Variants in PPIL2 observed in about 807,000 individuals in gnomAD.
The protein encoded by PPIL2 is RING-type E3 ubiquitin-protein ligase PPIL2.
Under a neutral mutation model 75.2 loss-of-function variants are expected in PPIL2, and 50 were observed. That is an observed-to-expected ratio of 0.66 (90% confidence interval 0.53 to 0.84). PPIL2 has a LOEUF of 0.84. Ranked by LOEUF, PPIL2 falls within the 40% of genes least tolerant of loss-of-function variation. PPIL2 has a pLI of 0.00. For missense variants in PPIL2, 590 were observed against 685.0 expected (o/e 0.86, Z 1.55); for synonymous variants, 245 against 258.8 (o/e 0.95, Z 0.51).
At chr22:21,686,173 T>A (rs747290436) in intron 10 of PPIL2, among the ~76,000 whole-genome samples, 55 of 152,036 alleles carry the variant, frequency 3.6e-4, no homozygotes, top group Non-Finnish European at 6.3e-4. Flanking sequence ...ATAAAAAAAT[T>A]AAAATAAAAA....
Position 21,671,052 on chromosome 22 carries a change from G to C in PPIL2, c.184G>C (p.Asp62His). 6.2e-7 allele frequency: 1 copy of C among 1,609,972 alleles called. No individual in the cohort carries two copies. The highest frequency in any genetic ancestry group is 8.5e-7 in the Non-Finnish European group (1 of 1,176,166). The change falls in exon 4 of 20, where the codon GAC (aspartate) becomes CAC (histidine). Residue 62 changes from aspartate to histidine, a missense_variant. Physicochemically the swap from Asp to His is moderately conservative, Grantham distance 81. Transcript: ENST00000398831. ...CTGCACTCCCGATGGCATCGTCTTT[G>C]ACTTACTGTGAGTTTTTCCTTGAAT... is the stretch of plus-strand genomic sequence containing the variant. Reference protein sequence around the residue: ...PVCTPDGIVFDLLNIVPWLKK... With the variant: ...PVCTPDGIVFHLLNIVPWLKK...
chr22:21,675,223 C>T (rs2066789700), intron 6 of PPIL2, 108 bp downstream of exon 6: 2 of 1,096,066 alleles, frequency 1.8e-6, no homozygotes, highest in Non-Finnish European at 1.4e-6. Context: ...CCAAGCTAGA[C>T]ACCTGCTTTT....
chr22:21,674,649 T>C (rs1401000787), intron 5 of PPIL2, among the ~76,000 whole-genome samples: 2 of 152,080 alleles, frequency 1.3e-5, no homozygotes, highest in East Asian at 3.9e-4. Flanking sequence ...TGCAGTGAGC[T>C]GAGATGTTGC....
chr22:21,687,632 C>T lies in PPIL2; in HGVS notation c.898-11C>T. 7.3e-7 allele frequency: 1 copy of T among 1,373,644 alleles called. No homozygotes were observed. The highest frequency in any genetic ancestry group is 9.8e-7 in the Non-Finnish European group (1 of 1,024,026). The allele number at this position is 1,373,644 out of a possible 1,614,324, so 85.1% of individuals were successfully genotyped here. On this transcript the variant is annotated splice_polypyrimidine_tract_variant and intron_variant, in intron 12 of 19. Transcript: ENST00000398831. ...TCTCTGCTTCATACAAGTATTGGGG[C>T]TATGTTGCAGACACCAAAAACCTGC...
At chr22:21,672,016 A>G (rs1233223814) in intron 4 of PPIL2, among the ~76,000 whole-genome samples, 1 of 152,034 alleles carries the variant, frequency 6.6e-6, no homozygotes, top group Non-Finnish European at 1.5e-5. Context: ...GAAACACTGC[A>G]CTCCAGCCTG....
intron 15 of PPIL2, among the ~76,000 whole-genome samples, chr22:21,691,407 G>A (rs1413075993): frequency 1.3e-5 from 2 of 152,024 alleles, no homozygotes; most frequent in African/African-American, 4.8e-5. Flanking sequence ...GAGGCCAGGC[G>A]CGGTGGCTCA....
chr22:21,685,227 C>G (rs547221248), intron 10 of PPIL2, among the ~76,000 whole-genome samples: 20 of 152,312 alleles, frequency 1.3e-4, no homozygotes, highest in African/African-American at 4.1e-4. Context: ...TGCTGTGGTC[C>G]CAGCCTGAGC....
downstream of PPIL2, chr22:21,698,241 AG>A: frequency 6.9e-6 from 1 of 145,968 alleles, no homozygotes; most frequent in East Asian, 1.9e-4. Flanking sequence ...AAGTGATAAA[AG>A]TGTTGTTGGT....
At position 21,696,402 on chromosome 22, in the gene PPIL2, T is replaced by G. The variant is rs2067933077; in HGVS notation, c.*912T>G. 1 of 1,165,062 alleles carries G rather than the reference T, an allele frequency of 8.6e-7. No homozygotes were observed. Among genetic ancestry groups the G allele is most frequent in the Non-Finnish European group, 1.1e-6 (1 of 935,032 alleles). The allele number at this position is 1,165,062 out of a possible 1,614,324, so 72.2% of individuals were successfully genotyped here. Reference sequence around the variant, plus strand: ...TCCCCGCCCTCCTGCTGAAGTGGCCTTGCTGCTCTCAGGCCCGGCCACTGG... The same window carrying G: ...TCCCCGCCCTCCTGCTGAAGTGGCCGTGCTGCTCTCAGGCCCGGCCACTGG... On this transcript the variant is annotated 3_prime_UTR_variant, in exon 20 of 20. Transcript: ENST00000398831.
chr22:21,692,189 TCC>T (rs1256023415), intron 15 of PPIL2, among the ~76,000 whole-genome samples: 3 of 151,200 alleles, frequency 2.0e-5, no homozygotes, highest in Non-Finnish European at 4.4e-5. Context: ...GGAGTCTCGC[TCC>T]GTCCCCCAGG....
chr22:21,686,650 C>A, intron 11 of PPIL2, 92 bp downstream of exon 11: 1 of 1,321,812 alleles, frequency 7.6e-7, no homozygotes, highest in Non-Finnish European at 1.1e-6. Flanking sequence ...ATTGGTCTGT[C>A]AGGGGCTCCC....
chr22:21,694,489 C>A (rs1160850124), intron 16 of PPIL2, 104 bp from the exon 17 acceptor site: 2 of 1,317,998 alleles, frequency 1.5e-6, no homozygotes, highest in Non-Finnish European at 2.1e-6. Context: ...GACCACCAGG[C>A]CAGCCTCGGG....
chr22:21,699,896 G>C (rs2068047605), downstream of PPIL2: 1 of 152,568 alleles, frequency 6.6e-6, no homozygotes, highest in African/African-American at 2.4e-5. Context: ...ACCCTGTGAG[G>C]CTGTCACCTC....
chr22:21,676,945 C>T lies in PPIL2; in HGVS notation c.295+1830C>T, dbSNP rs1255574716. Among the ~76,000 whole-genome samples the T allele has an allele frequency of 4.6e-5, 7 of 151,108 alleles. 1 individual carries two copies. In the East Asian group the frequency reaches 5.9e-4, roughly 13 times the overall value. ...CCCAGAAGGGGCGGCCGGGCAGAGG[C>T]GCCCCTACCTCCCGGACGGGGCGGC... On this transcript the variant is annotated intron_variant, in intron 6 of 19. Transcript: ENST00000398831.
Position 21,694,804 on chromosome 22 carries a change from A to C in PPIL2, c.1319A>C (p.Glu440Ala), listed in dbSNP as rs1464119286. Residue 440 changes from glutamate (E) to alanine (A), a missense_variant, in exon 18 of 20, where the codon GAG becomes GCG. Coordinates refer to ENST00000398831, the MANE Select transcript of PPIL2 (RefSeq NM_014337.4). ...ATTVFVDPYE[E>A]ADAQIAQERK... ...ACAGTGTTCGTGGACCCCTATGAGGAGGCCGATGCCCAGGTGAGGGGGCAC... is the reference window on the plus strand; with the variant it reads ...ACAGTGTTCGTGGACCCCTATGAGGCGGCCGATGCCCAGGTGAGGGGGCAC... 6.2e-7 allele frequency: 1 copy of C among 1,602,750 alleles called. No individual in the cohort carries two copies.
chr22:21,690,856 T>C (rs2067589867), intron 15 of PPIL2, among the ~76,000 whole-genome samples: 1 of 152,220 alleles, frequency 6.6e-6, no homozygotes, highest in Non-Finnish European at 1.5e-5. Context: ...TTTGTTTTTG[T>C]TGTTTGGCAG....
intron 6 of PPIL2, 125 bp downstream of exon 6, chr22:21,675,240 G>A (rs372760339): frequency 3.0e-5 from 28 of 929,880 alleles, no homozygotes; most frequent in East Asian, 1.5e-4. Flanking sequence ...TTTTAATTCC[G>A]CAAAAAGTGT....
chr22:21,689,733 C>T (rs2067540411), intron 15 of PPIL2, among the ~76,000 whole-genome samples: 1 of 152,226 alleles, frequency 6.6e-6, no homozygotes, highest in Admixed American at 6.5e-5. Context: ...TCTTGCTGTG[C>T]TCCACAGAAA....
At chr22:21,691,089 G>A (rs73382389) in intron 15 of PPIL2, among the ~76,000 whole-genome samples, 10,466 of 142,520 alleles carry the variant, frequency 0.073, 1,229 homozygotes, top group African/African-American at 0.25. Flanking sequence ...GATTACAGAC[G>A]CCCACCACCA....
Sources: gnomAD v4.1 joint callset for allele counts (sites outside exome capture counted in the v4.1 genomes callset) on GRCh38, gnomAD v4.1.1 for gene constraint, MANE v1.5 for transcripts, NCBI Gene and HGNC (gene_info 2026-07-23, HGNC 2026-07-21) for gene names.